SCN4B: variants seen among roughly 807,000 people sequenced by gnomAD.
SCN4B encodes sodium voltage-gated channel beta subunit 4.
SCN4B carries 20 observed loss-of-function variants against 19.6 expected under a neutral mutation model. The ratio of observed to expected loss-of-function variants is 1.02; its 90% CI spans 0.72 to 1.48. The LOEUF (loss-of-function observed/expected upper bound fraction) is 1.48. Among genes scored for constraint, SCN4B ranks in the 40% most tolerant of loss-of-function variants. SCN4B has a pLI of 0.00. For synonymous variants in SCN4B, 127 were observed against 122.8 expected, an observed-to-expected ratio of 1.03 and a Z score of -0.22; for missense variants, 271 against 287.5, an observed-to-expected ratio of 0.94 and a Z score of 0.42.
rs925664857 is a variant in SCN4B, at chr11:118,135,971, G to A, written c.*1056C>T. On this transcript the variant is annotated 3_prime_UTR_variant, in exon 5 of 5. Transcript: ENST00000324727. ...AAAGGAAGAGAGTCCCTGAGGCGAA[G>A]GCAGGCCCTTGACCCAGGGCTGGGA... The A allele has an allele frequency of 8.8e-6, 4 of 453,950 alleles. No individual in the cohort carries two copies. Among genetic ancestry groups the A allele is most frequent in the African/African-American group, 6.0e-5 (3 of 49,918 alleles). The allele number at this position is 453,950 out of a possible 1,614,324, so 28.1% of individuals were successfully genotyped here.
Position 118,135,768 on chromosome 11 carries a change from C to A in SCN4B, c.*1259G>T. The A allele has an allele frequency of 2.2e-6, 1 of 454,450 alleles. No individual in the cohort carries two copies. The highest frequency in any genetic ancestry group is 4.4e-6 in the Non-Finnish European group (1 of 226,768). The allele number at this position is 454,450 out of a possible 1,614,324, so 28.2% of individuals were successfully genotyped here. ...CGTCTAGAGAGGATGGGGGTAAGGG[C>A]TAGGATTCAGGACTAAGGCACATTC... On this transcript the variant is annotated 3_prime_UTR_variant, in exon 5 of 5. Transcript: ENST00000324727.
chr11:118,149,051 C>T (rs1948210655), intron 1 of SCN4B, among the ~76,000 whole-genome samples: 2 of 152,186 alleles, frequency 1.3e-5, no homozygotes, highest in African/African-American at 4.8e-5. Flanking sequence ...TCTCTGAAGT[C>T]CTGGCCCCCT....
In SCN4B at chr11:118,135,303, C is replaced by G; in HGVS notation, c.*1724G>C. On this transcript the variant is annotated 3_prime_UTR_variant, in exon 5 of 5. Transcript: ENST00000324727. ...GCACCCTGCAGGTACTACTGGTCCT[C>G]AGTCTCCCCCCACTCCACCCTTGCG... 2.2e-6 allele frequency: 1 copy of G among 454,126 alleles called. No individual in the cohort carries two copies. The highest frequency in any genetic ancestry group is 4.4e-6 in the Non-Finnish European group (1 of 226,790). 28.1% of individuals were successfully genotyped at this position (454,126 alleles called of 1,614,324 possible). A position where few individuals can be genotyped will look rare whatever the true frequency, so the allele number is the denominator to read the frequency against.
rs1043509313 is a variant in SCN4B at position 118,135,754 on chromosome 11, G to A, written c.*1273C>T. On this transcript the variant is annotated 3_prime_UTR_variant, in exon 5 of 5. Coordinates refer to ENST00000324727, the MANE Select transcript of SCN4B (RefSeq NM_174934.4). ...ATGTCAGGACATACCGTCTAGAGAG[G>A]ATGGGGGTAAGGGCTAGGATTCAGG... 4.4e-6 allele frequency: 2 copies of A among 454,376 alleles called. No individual in the cohort carries two copies. The highest frequency in any genetic ancestry group is 8.8e-6 in the Non-Finnish European group (2 of 226,794). 28.1% of individuals were successfully genotyped at this position (454,376 alleles called of 1,614,324 possible).
In SCN4B at chr11:118,134,271, G is replaced by T. The variant is rs1253763602; in HGVS notation, c.*2756C>A. 4.4e-6 allele frequency: 2 copies of T among 453,946 alleles called. No individual in the cohort carries two copies. Among genetic ancestry groups the T allele is most frequent in the Non-Finnish European group, 8.8e-6 (2 of 226,798 alleles). 28.1% of individuals were successfully genotyped at this position (453,946 alleles called of 1,614,324 possible). On this transcript the variant is annotated 3_prime_UTR_variant, in exon 5 of 5. Coordinates refer to ENST00000324727, the MANE Select transcript of SCN4B (RefSeq NM_174934.4). ...AGCTCAGAACTTTGTCTTTAGTCTC[G>T]CTGACATCACTCAGCCCAGCTGCAT...
chr11:118,137,178 T>C, intron 4 of SCN4B, 58 bp from the exon 5 acceptor site: 1 of 1,322,132 alleles, frequency 7.6e-7, no homozygotes, highest in East Asian at 2.3e-5. Context: ...AGGGGGAGAA[T>C]TGTGGCAGGA....
rs1948017818 is a variant in SCN4B at position 118,136,877 on chromosome 11, G to A, written c.*150C>T. On this transcript the variant is annotated 3_prime_UTR_variant, in exon 5 of 5. Transcript: ENST00000324727. Reference sequence around the variant, plus strand: ...GACTGGGAAGGGGATGGGCAGGCTGGGCAGGACTCTGGTTTCTTGTGCCCG... The same window carrying A: ...GACTGGGAAGGGGATGGGCAGGCTGAGCAGGACTCTGGTTTCTTGTGCCCG... 1.4e-6 allele frequency: 1 copy of A among 703,582 alleles called. No homozygotes were observed. The highest frequency in any genetic ancestry group is 2.6e-6 in the Non-Finnish European group (1 of 385,266). 43.6% of individuals were successfully genotyped at this position (703,582 alleles called of 1,614,324 possible).
Position 118,141,062 on chromosome 11 carries a change from G to A in SCN4B, c.593+145C>T, listed in dbSNP as rs963200319. The A allele has an allele frequency of 4.6e-6, 4 of 866,144 alleles. No homozygotes were observed. In the Admixed American group the frequency reaches 6.9e-5, roughly 15 times the overall value. 53.7% of individuals were successfully genotyped at this position (866,144 alleles called of 1,614,324 possible). On this transcript the variant is annotated intron_variant, in intron 4 of 4. Transcript: ENST00000324727. Reference sequence around the variant, plus strand: ...GATGAGGAAGGGGCTGAGAGATGGGGAGGGGGTGGCAGGGATAGAACAGAG... The same window carrying A: ...GATGAGGAAGGGGCTGAGAGATGGGAAGGGGGTGGCAGGGATAGAACAGAG...
chr11:118,145,187 A>G lies in SCN4B; in HGVS notation c.104T>C (p.Val35Ala), dbSNP rs1948155529. 2.5e-6 allele frequency: 4 copies of G among 1,598,842 alleles called. No homozygotes were observed. In the African/African-American group the frequency reaches 4.3e-5, roughly 17 times the overall value. The change falls in exon 2 of 5, where the codon GTG (valine) becomes GCG (alanine). Residue 35 changes from valine (V) to alanine (A), a missense_variant. By Grantham distance (64) the Val-to-Ala change is moderately conservative. Coordinates refer to ENST00000324727, the MANE Select transcript of SCN4B (RefSeq NM_174934.4). ...LPVTLSLEVS[V>A]GKATDIYAVN... ...AGCGTAGATGTCGGTGGCCTTTCCC[A>G]CAGACACCTCCAGCGACAGGGTTAC...
In SCN4B at chr11:118,145,216, G is replaced by C. The variant is rs1277058252; in HGVS notation, c.75C>G (p.Leu25=). The C allele has an allele frequency of 6.2e-7, 1 of 1,613,994 alleles. No individual in the cohort carries two copies. The highest frequency in any genetic ancestry group is 1.1e-5 in the South Asian group (1 of 91,080). ...LGTGLLGLFL[L]PVTLSLEVSV... is the part of the protein sequence containing the mutation. ...ACACCTCCAGCGACAGGGTTACGGG[G>C]AGCAGGAAGAGGCCTGTGTAAGGAG... Residue 25 remains leucine, a synonymous_variant, in exon 2 of 5, where the codon CTC becomes CTG. Transcript: ENST00000324727.
Position 118,151,505 on chromosome 11 carries a change from C to T in SCN4B, c.61+1108G>A, listed in dbSNP as rs116919679. The stretch of plus-strand genomic sequence containing the variant: ...GAAAACAAGGGTGTCTTCCATCTAG[C>T]GGTACAGAGGTAAATAAACATCCCA... On this transcript the variant is annotated intron_variant, in intron 1 of 4. Transcript: ENST00000324727. Among the ~76,000 whole-genome samples the T allele has an allele frequency of 7.4e-3, 1,126 of 152,274 alleles. 15 individuals carry two copies. Among genetic ancestry groups the T allele is most frequent in the East Asian group, 0.049 (254 of 5,180 alleles).
At chr11:118,150,437 G>A (rs79988240) in intron 1 of SCN4B, among the ~76,000 whole-genome samples, 2 of 152,094 alleles carry the variant, frequency 1.3e-5, no homozygotes, top group African/African-American at 4.8e-5. Flanking sequence ...GCCGCTCTAG[G>A]CCCCTCAAGT....
At position 118,148,516 on chromosome 11, in the gene SCN4B, C is replaced by T. The variant is rs1948205428; in HGVS notation, c.62-3287G>A. ...TTGAGAAAGTCAGAGGTGCCACATC[C>T]GGTGTGCATATCCCCAAGCCAGGGC... On this transcript the variant is annotated intron_variant, in intron 1 of 4. Transcript: ENST00000324727. This position sits in a 1 kb window ranked among gnomAD's most constrained non-coding sequence, Gnocchi z 4.0. Among the ~76,000 whole-genome samples, 2 of 152,224 alleles carry T rather than the reference C, an allele frequency of 1.3e-5. No individual in the cohort carries two copies. The highest frequency in any genetic ancestry group is 2.9e-5 in the Non-Finnish European group (2 of 68,026).
Position 118,133,783 on chromosome 11 carries a change from G to A in SCN4B, c.*3244C>T, listed in dbSNP as rs1354394083. On this transcript the variant is annotated 3_prime_UTR_variant, in exon 5 of 5. Transcript: ENST00000324727. ...ACTCCCTACTGCCAGCCCTCTGATG[G>A]CAGCTGTCTGTGACACTGAGATGAA... The A allele has an allele frequency of 2.2e-6, 1 of 454,560 alleles. No individual in the cohort carries two copies. 28.2% of individuals were successfully genotyped at this position (454,560 alleles called of 1,614,324 possible).
In SCN4B at chr11:118,148,595, T is replaced by G. The variant is rs1026492532; in HGVS notation, c.62-3366A>C. Among the ~76,000 whole-genome samples the G allele has an allele frequency of 7.2e-5, 11 of 152,126 alleles. No individual in the cohort carries two copies. The highest frequency in any genetic ancestry group is 1.3e-4 in the Non-Finnish European group (9 of 68,026). ...TTGGTGTGAAGCCAGAACAGGAGATTATAAAACACAAGAGGGGCCGCCGTG... is the reference window on the plus strand; with the variant it reads ...TTGGTGTGAAGCCAGAACAGGAGATGATAAAACACAAGAGGGGCCGCCGTG... On this transcript the variant is annotated intron_variant, in intron 1 of 4. Transcript: ENST00000324727. This position sits in a 1 kb window ranked among gnomAD's most constrained non-coding sequence, Gnocchi z 4.0.
At chr11:118,143,381 A>G (rs1485741103) in intron 3 of SCN4B, among the ~76,000 whole-genome samples, 3 of 152,176 alleles carry the variant, frequency 2.0e-5, no homozygotes, top group Non-Finnish European at 4.4e-5. Flanking sequence ...CTATTTATTT[A>G]TCTTCTGTCC....
intron 4 of SCN4B, among the ~76,000 whole-genome samples, chr11:118,137,737 A>G (rs1948037100): frequency 6.6e-6 from 1 of 152,164 alleles, no homozygotes; most frequent in Non-Finnish European, 1.5e-5. Flanking sequence ...ACATGGCAGG[A>G]AGCAAAGGGC....
At chr11:118,141,401 G>A in intron 3 of SCN4B, 65 bp from the exon 4 acceptor site, 1 of 1,605,282 alleles carries the variant, frequency 6.2e-7, no homozygotes, top group Non-Finnish European at 8.5e-7. Flanking sequence ...CTGGAGCCGA[G>A]AACTGTGGCA....
intron 1 of SCN4B, among the ~76,000 whole-genome samples, chr11:118,151,130 A>G (rs1338810670): frequency 2.1e-5 from 3 of 142,842 alleles, no homozygotes; most frequent in Non-Finnish European, 4.7e-5. Context: ...GTGCACACAC[A>G]CACACACACA....
Sources: gnomAD v4.1 joint callset for allele counts (sites outside exome capture counted in the v4.1 genomes callset) on GRCh38, gnomAD v4.1.1 for gene constraint, Gnocchi (gnomAD v3.1) non-coding constraint, MANE v1.5 for transcripts, NCBI Gene and HGNC (gene_info 2026-07-23, HGNC 2026-07-21) for gene names.